Variants in CTNNA3 observed in about 807,000 individuals in gnomAD.
The protein encoded by CTNNA3 is catenin alpha-3.
Under a neutral mutation model 95.7 loss-of-function variants are expected in CTNNA3, and 76 were observed. That is an observed-to-expected ratio of 0.79 (90% CI 0.66 to 0.96). The LOEUF (loss-of-function observed/expected upper bound fraction) is 0.96, where lower values mean the gene tolerates loss of function less well. CTNNA3 is among the 40% of genes least tolerant of loss of function. The probability of loss-of-function intolerance (pLI) is 0.00; values close to 1 mark genes in which losing one functional copy is unlikely to be tolerated. For synonymous variants in CTNNA3, 431 were observed against 374.4 expected (o/e 1.15, Z -1.74); for missense variants, 1,191 against 1,089.8 (o/e 1.09, Z -1.31).
chr10:66,812,052 T>A (rs1841900944), intron 7 of CTNNA3, among the ~76,000 whole-genome samples: 1 of 152,154 alleles, frequency 6.6e-6, no homozygotes, highest in South Asian at 2.1e-4. Context: ...TAGTTTTATG[T>A]CCCAGGTGCT....
chr10:66,158,332 G>A (rs1190725186), intron 13 of CTNNA3, among the ~76,000 whole-genome samples: 1 of 151,968 alleles, frequency 6.6e-6, no homozygotes, highest in Non-Finnish European at 1.5e-5. Flanking sequence ...TTTTTTATAA[G>A]GTAAGAGATG....
At chr10:67,343,240 C>T (rs919913190) in intron 5 of CTNNA3, among the ~76,000 whole-genome samples, 4 of 152,076 alleles carry the variant, frequency 2.6e-5, no homozygotes, top group Non-Finnish European at 4.4e-5. Context: ...TGTGAGGCAC[C>T]GCGCCCAGCC....
chr10:67,683,727 C>G (rs960406869), intron 1 of CTNNA3, among the ~76,000 whole-genome samples: 1 of 152,196 alleles, frequency 6.6e-6, no homozygotes, highest in Non-Finnish European at 1.5e-5. Context: ...AGTGTTACCA[C>G]TCTTAAAGAT....
At chr10:67,015,510 AC>A (rs1852600125) in intron 7 of CTNNA3, 2 of 152,156 alleles carry the variant, frequency 1.3e-5, no homozygotes, top group Admixed American at 1.3e-4. Flanking sequence ...TTCTCATATT[AC>A]GTGGAAATTG....
At chr10:66,120,010 T>G (rs868440457) in intron 13 of CTNNA3, among the ~76,000 whole-genome samples, 81 of 152,222 alleles carry the variant, frequency 5.3e-4, no homozygotes, top group African/African-American at 1.9e-3. Context: ...GATTCAACTC[T>G]GAATATACAC....
chr10:66,396,416 G>T (rs2092977815), intron 11 of CTNNA3, among the ~76,000 whole-genome samples: 1 of 151,910 alleles, frequency 6.6e-6, no homozygotes, highest in Non-Finnish European at 1.5e-5. Context: ...AAAAAGTATT[G>T]AAATAACTTA....
At chr10:67,528,523 A>T (rs965697688) in intron 4 of CTNNA3, among the ~76,000 whole-genome samples, 4 of 152,146 alleles carry the variant, frequency 2.6e-5, no homozygotes, top group Admixed American at 2.6e-4. Flanking sequence ...TTCTGCAGGT[A>T]AAATGCCCTC....
At chr10:66,195,228 C>T (rs2086890236) in intron 13 of CTNNA3, among the ~76,000 whole-genome samples, 2 of 151,654 alleles carry the variant, frequency 1.3e-5, no homozygotes, top group African/African-American at 4.8e-5. Flanking sequence ...AAAAAGATGA[C>T]CCTTTATTTT....
chr10:67,211,261 T>A (rs2132241211), intron 6 of CTNNA3, among the ~76,000 whole-genome samples: 1 of 149,862 alleles, frequency 6.7e-6, no homozygotes, highest in African/African-American at 2.5e-5. Context: ...TTTTTTCAAG[T>A]TTTGGAGAAA....
chr10:67,560,761 C>G (rs1247473860), intron 3 of CTNNA3, among the ~76,000 whole-genome samples: 1 of 151,976 alleles, frequency 6.6e-6, no homozygotes. Context: ...TGCAGAGACA[C>G]ACATAGGCTC....
chr10:67,382,018 AATAG>A lies in CTNNA3; in HGVS notation c.579+139820_579+139823del, dbSNP rs1468233630. Among the ~76,000 whole-genome samples the A allele has an allele frequency of 3.9e-5, 6 of 152,344 alleles. No individual in the cohort carries two copies. In the East Asian group the frequency reaches 5.8e-4, roughly 15 times the overall value. Reference sequence around the variant, plus strand: ...TTTACTTAAACCATGTTCAATGAAAAATAGATAATCAAAAAGATTTTTTTCCACA... The same window carrying A: ...TTTACTTAAACCATGTTCAATGAAAAATAATCAAAAAGATTTTTTTCCACA... On this transcript the variant is annotated intron_variant, in intron 5 of 17. Transcript: ENST00000433211.
chr10:66,840,638 T>A (rs886679899), intron 7 of CTNNA3, among the ~76,000 whole-genome samples: 1 of 152,156 alleles, frequency 6.6e-6, no homozygotes, highest in Non-Finnish European at 1.5e-5. Context: ...CCTATTTTCA[T>A]TCAATACATG....
In CTNNA3 at chr10:66,927,767, A is replaced by G. The variant is rs1847155890; in HGVS notation, c.1048-152243T>C. The G allele has an allele frequency of 6.2e-7, 1 of 1,614,062 alleles. No homozygotes were observed. Among genetic ancestry groups the G allele is most frequent in the Admixed American group, 1.7e-5 (1 of 59,996 alleles). ...TGTGTCCCGAATCTGCAGCGCCTCAACCTGGATTCCAACAAGCTCACATTT... is the reference window on the plus strand; with the variant it reads ...TGTGTCCCGAATCTGCAGCGCCTCAGCCTGGATTCCAACAAGCTCACATTT... On this transcript the variant is annotated intron_variant, in intron 7 of 17. Coordinates refer to ENST00000433211, the MANE Select transcript of CTNNA3 (RefSeq NM_013266.4). The surrounding 1 kb of genome is among the most constrained non-coding windows in gnomAD (Gnocchi z 4.7).
At chr10:67,387,845 G>A in intron 5 of CTNNA3, among the ~76,000 whole-genome samples, 1 of 152,160 alleles carries the variant, frequency 6.6e-6, no homozygotes, top group Non-Finnish European at 1.5e-5. Context: ...CTGCAGCTGA[G>A]GGTCCTGTCT....
intron 5 of CTNNA3, among the ~76,000 whole-genome samples, chr10:67,377,866 C>T (rs970834185): frequency 1.3e-5 from 2 of 151,956 alleles, no homozygotes; most frequent in African/African-American, 4.8e-5. Context: ...AACACCAGAA[C>T]TTATTCCTCC....
intron 5 of CTNNA3, among the ~76,000 whole-genome samples, chr10:67,399,722 CT>C (rs1844848356): frequency 1.3e-5 from 2 of 152,136 alleles, no homozygotes; most frequent in Admixed American, 6.6e-5. Context: ...CATTAAGGTA[CT>C]TACCAAAGTT....
chr10:67,200,666 C>A (rs1358095354), intron 6 of CTNNA3, among the ~76,000 whole-genome samples: 1 of 152,112 alleles, frequency 6.6e-6, no homozygotes, highest in Non-Finnish European at 1.5e-5. Flanking sequence ...AAGATGCCCA[C>A]AAGTCATATA....
chr10:67,131,322 T>C lies in CTNNA3; in HGVS notation c.1047+48995A>G, dbSNP rs543475805. On this transcript the variant is annotated intron_variant, in intron 7 of 17. Transcript: ENST00000433211. ...CCTCTATATGCCTCTATTTCACTTG[T>C]AAAATGGAGACAATAATAGCATATA... is the stretch of plus-strand genomic sequence containing the variant. Among the ~76,000 whole-genome samples, 5 of 152,194 alleles carry C rather than the reference T, an allele frequency of 3.3e-5. No individual in the cohort carries two copies. In the East Asian group the frequency reaches 7.7e-4, roughly 24 times the overall value.
Position 66,737,539 on chromosome 10 carries a change from G to T in CTNNA3, c.1281+28725C>A, listed in dbSNP as rs77934633. On this transcript the variant is annotated intron_variant, in intron 9 of 17. Coordinates refer to ENST00000433211, the MANE Select transcript of CTNNA3 (RefSeq NM_013266.4). ...ACAATTTCAAGAATGTCTTCACATA[G>T]AAATGACAACATGGCTACATTTATA... 8.8e-3 allele frequency among the ~76,000 whole-genome samples: 1,338 copies of T among 152,146 alleles called. 21 individuals carry two copies. Among genetic ancestry groups the T allele is most frequent in the African/African-American group, 0.03 (1,229 of 41,502 alleles).
Sources: allele counts gnomAD v4.1 joint callset (sites outside exome capture counted in the v4.1 genomes callset), GRCh38; gene constraint gnomAD v4.1.1; non-coding constraint Gnocchi (gnomAD v3.1); transcripts MANE v1.5; gene names NCBI Gene and HGNC (gene_info 2026-07-23, HGNC 2026-07-21).